Variants in ZNF169 observed in about 807,000 individuals in gnomAD.
ZNF169 encodes the protein zinc finger protein 169.
In ZNF169, 11 loss-of-function variants were observed where a neutral mutation model predicts 12.0. The observed-to-expected ratio is 0.92, with a 90% CI of 0.58 to 1.52. ZNF169 has a LOEUF of 1.52. Among genes scored for constraint, ZNF169 ranks in the 40% most tolerant of loss-of-function variants. The pLI is 0.00. For missense variants in ZNF169, 722 were observed against 744.0 expected (o/e 0.97, Z 0.34); for synonymous variants, 302 against 286.5 (o/e 1.05, Z -0.55).
In ZNF169 at chr9:94,301,573, C is replaced by A; in HGVS notation, c.*203C>A. ...AGTACCCCAGGCTGGGTGATTTTGA[C>A]AACGGAAATATATTTTCATATTTAT... On this transcript the variant is annotated 3_prime_UTR_variant, in exon 5 of 5. Coordinates refer to ENST00000395395, the MANE Select transcript of ZNF169 (RefSeq NM_194320.4). 2 of 917,796 alleles carry A rather than the reference C, an allele frequency of 2.2e-6. No individual in the cohort carries two copies. The highest frequency in any genetic ancestry group is 1.5e-6 in the Non-Finnish European group (1 of 652,156). 56.9% of individuals were successfully genotyped at this position (917,796 alleles called of 1,614,324 possible). A position where few individuals can be genotyped will look rare whatever the true frequency, so the allele number is the denominator to read the frequency against.
At chr9:94,268,896 A>G (rs1417359035) in intron 1 of ZNF169, among the ~76,000 whole-genome samples, 1 of 152,190 alleles carries the variant, frequency 6.6e-6, no homozygotes, top group African/African-American at 2.4e-5. Flanking sequence ...AGAAAACAGA[A>G]TTCAGTCAAC....
Position 94,301,337 on chromosome 9 carries a change from T to G in ZNF169, c.1779T>G (p.Ser593=), listed in dbSNP as rs143633832. ...TGCATAGACACAGGAGGACCAAGTC[T>G]GGTCATCAGCTCCTACCCCAAGAGG... is the stretch of plus-strand genomic sequence containing the variant. ...SHLHRHRRTK[S]GHQLLPQEVF is the part of the protein sequence containing the mutation. Residue 593 remains serine, a synonymous_variant, in exon 5 of 5, where the codon TCT becomes TCG. Coordinates refer to ENST00000395395, the MANE Select transcript of ZNF169 (RefSeq NM_194320.4). 7.4e-6 allele frequency: 12 copies of G among 1,613,758 alleles called. No individual in the cohort carries two copies. Among genetic ancestry groups the G allele is most frequent in the Non-Finnish European group, 9.3e-6 (11 of 1,179,822 alleles).
chr9:94,300,414 G>T lies in ZNF169; in HGVS notation c.856G>T (p.Gly286Trp), dbSNP rs1831039696. Reference protein sequence around the residue: ...SLSIHQRKHSGEKPYVCRECG... With the variant: ...SLSIHQRKHSWEKPYVCRECG... ...CTCCATACACCAGAGGAAGCACTCG[G>T]GGGAGAAGCCGTATGTGTGCAGGGA... Residue 286 changes from glycine (G) to tryptophan (W), a missense_variant, in exon 5 of 5, where the codon GGG becomes TGG. By Grantham distance (184) the Gly-to-Trp change is radical (BLOSUM62 -2). Coordinates refer to ENST00000395395, the MANE Select transcript of ZNF169 (RefSeq NM_194320.4). 6.2e-7 allele frequency: 1 copy of T among 1,613,916 alleles called. No homozygotes were observed. The highest frequency in any genetic ancestry group is 1.3e-5 in the African/African-American group (1 of 74,872).
rs535441003 is a variant in ZNF169, at chr9:94,293,279, C to T, written c.256+210C>T. ...CTGGCATTCCATCTCCTTCCTCCATCAGGGAGCCTCACTCCTCACTTGGCT... is the reference window on the plus strand; with the variant it reads ...CTGGCATTCCATCTCCTTCCTCCATTAGGGAGCCTCACTCCTCACTTGGCT... On this transcript the variant is annotated intron_variant, in intron 4 of 4. Coordinates refer to ENST00000395395, the MANE Select transcript of ZNF169 (RefSeq NM_194320.4). 6 of 601,556 alleles carry T rather than the reference C, an allele frequency of 1.0e-5. No individual in the cohort carries two copies. In the South Asian group the frequency reaches 1.2e-4, roughly 12 times the overall value. The allele number at this position is 601,556 out of a possible 1,614,324, so 37.3% of individuals were successfully genotyped here. A position where few individuals can be genotyped will look rare whatever the true frequency, so the allele number is the denominator to read the frequency against.
Position 94,293,026 on chromosome 9 carries a change from A to G in ZNF169, c.213A>G (p.Glu71=), listed in dbSNP as rs1564091594. 6.2e-7 allele frequency: 1 copy of G among 1,613,716 alleles called. No individual in the cohort carries two copies. The highest frequency in any genetic ancestry group is 8.5e-7 in the Non-Finnish European group (1 of 1,179,850). The part of the protein sequence containing the change: ...KLIEQLEQGD[E]PWREENEHLL... ...TCGAACAGCTGGAGCAAGGCGACGA[A>G]CCTTGGAGAGAGGAGAACGAACATC... is the stretch of plus-strand genomic sequence containing the variant. Residue 71 remains glutamate (E), a synonymous_variant, in exon 4 of 5, where the codon GAA becomes GAG. Coordinates refer to ENST00000395395, the MANE Select transcript of ZNF169 (RefSeq NM_194320.4).
At chr9:94,298,760 A>G (rs777543947) in intron 4 of ZNF169, among the ~76,000 whole-genome samples, 1 of 151,810 alleles carries the variant, frequency 6.6e-6, no homozygotes, top group South Asian at 2.1e-4. Flanking sequence ...AACTTAGTCA[A>G]TAATTACCTA....
At chr9:94,297,253 CGTGAACACAGTAT>C (rs1830971932) in intron 4 of ZNF169, among the ~76,000 whole-genome samples, 1 of 149,962 alleles carries the variant, frequency 6.7e-6, no homozygotes. Context: ...TCTTACAGTA[CGTGAACACAGTAT>C]AGCTCTCCAT....
chr9:94,262,741 G>A (rs143219121), intron 1 of ZNF169, among the ~76,000 whole-genome samples: 39 of 152,186 alleles, frequency 2.6e-4, no homozygotes, highest in African/African-American at 9.4e-4. Flanking sequence ...TTACAGGTGT[G>A]AGCCACCTCG....
rs537768465 is a variant in ZNF169, at chr9:94,279,719, C to T, written c.33+874C>T. On this transcript the variant is annotated intron_variant, in intron 2 of 4. Transcript: ENST00000395395. ...AGATGACTGGCAGGCTATCCCTCAC[C>T]GTGTGGGAAGCTTTCAACAGCCAGT... Among the ~76,000 whole-genome samples, 26 of 152,234 alleles carry T rather than the reference C, an allele frequency of 1.7e-4. 1 individual carries two copies. The South Asian group carries it at 1.9e-3, about 11-fold the overall frequency.
At position 94,300,993 on chromosome 9, in the gene ZNF169, A is replaced by G; in HGVS notation, c.1435A>G (p.Thr479Ala). The change falls in exon 5 of 5, where the codon ACA becomes GCA. Residue 479 changes from threonine (T) to alanine (A), a missense_variant. Transcript: ENST00000395395. ...QKVTLIRHQR[T>A]HTGEKPYLCP... ...GGTCACCCTCATCAGACACCAGAGG[A>G]CACACACAGGGGAGAAGCCTTATCT... 2 of 1,611,974 alleles carry G rather than the reference A, an allele frequency of 1.2e-6. No individual in the cohort carries two copies. The highest frequency in any genetic ancestry group is 1.7e-4 in the Middle Eastern group (1 of 6,030).
At chr9:94,268,032 A>AT (rs372999954) in intron 1 of ZNF169, among the ~76,000 whole-genome samples, 209 of 134,580 alleles carry the variant, frequency 1.6e-3, no homozygotes, top group African/African-American at 4.3e-3. Context: ...TACCCAGCTA[A>AT]TTTTTTTTGT....
At chr9:94,281,776 AT>A (rs1170973150) in intron 2 of ZNF169, among the ~76,000 whole-genome samples, 1 of 152,180 alleles carries the variant, frequency 6.6e-6, no homozygotes, top group Non-Finnish European at 1.5e-5. Flanking sequence ...AAATTTAAAC[AT>A]TTTCTGGTTG....
At position 94,272,423 on chromosome 9, in the gene ZNF169, A is replaced by G. The variant is rs140147234; in HGVS notation, c.-55-6335A>G. On this transcript the variant is annotated intron_variant, in intron 1 of 4. Transcript: ENST00000395395. The stretch of plus-strand genomic sequence containing the variant: ...CTTGCATGACTGAAATCTTTTACCT[A>G]TTGAATAGCAGCTCATTCTTTTCCT... Among the ~76,000 whole-genome samples, 529 of 152,222 alleles carry G rather than the reference A, an allele frequency of 3.5e-3. 6 individuals are homozygous for G. Among genetic ancestry groups the G allele is most frequent in the African/African-American group, 0.012 (501 of 41,550 alleles).
intron 1 of ZNF169, among the ~76,000 whole-genome samples, chr9:94,277,425 T>C (rs10821334): frequency 0.076 from 11,513 of 152,136 alleles, 601 homozygotes; most frequent in Middle Eastern, 0.13. Context: ...AGAATATGGA[T>C]TTTTCCCACA....
At position 94,270,797 on chromosome 9, in the gene ZNF169, AAT is replaced by A. The variant is rs1178566043; in HGVS notation, c.-55-7952_-55-7951del. On this transcript the variant is annotated intron_variant, in intron 1 of 4. Transcript: ENST00000395395. Reference sequence around the variant, plus strand: ...ATATATTATATAAATATATATAAATAATATATATATTATATTATATAAATATA... The same window carrying A: ...ATATATTATATAAATATATATAAATAATATATATTATATTATATAAATATA... Among the ~76,000 whole-genome samples the A allele has an allele frequency of 2.4e-4, 14 of 57,160 alleles. 1 individual carries two copies. The highest frequency in any genetic ancestry group is 3.6e-4 in the African/African-American group (5 of 14,076). The allele number at this position is 57,160 out of a possible 152,430, so 37.5% of individuals were successfully genotyped here.
At chr9:94,276,437 T>G in intron 1 of ZNF169, among the ~76,000 whole-genome samples, 1 of 152,106 alleles carries the variant, frequency 6.6e-6, no homozygotes, top group African/African-American at 2.4e-5. Flanking sequence ...GCAAATTTTT[T>G]GTATTTTTAG....
At chr9:94,294,577 G>A (rs1157038728) in intron 4 of ZNF169, 1 of 152,186 alleles carries the variant, frequency 6.6e-6, no homozygotes, top group Non-Finnish European at 1.5e-5. Context: ...GAGTCTATGA[G>A]AATTCTTGTT....
chr9:94,299,427 C>T, intron 4 of ZNF169: 1 of 651,458 alleles, frequency 1.5e-6, no homozygotes, highest in Non-Finnish European at 2.2e-6. Flanking sequence ...AGATCATAAT[C>T]AGTCTGTTTC....
chr9:94,299,457 C>A, intron 4 of ZNF169: 1 of 982,220 alleles, frequency 1.0e-6, no homozygotes, highest in Non-Finnish European at 1.3e-6. Context: ...GCTCAGACAC[C>A]AAGTTCTTGG....
Sources: gnomAD v4.1 joint callset for allele counts (sites outside exome capture counted in the v4.1 genomes callset) on GRCh38, gnomAD v4.1.1 for gene constraint, MANE v1.5 for transcripts, NCBI Gene and HGNC (gene_info 2026-07-23, HGNC 2026-07-21) for gene names.